Variants in AKAP1 observed in about 807,000 individuals in gnomAD.
AKAP1 encodes the protein A-kinase anchoring protein 1.
AKAP1 carries 32 observed loss-of-function variants against 79.8 expected under a neutral mutation model. That is an observed-to-expected ratio of 0.40 (90% confidence interval 0.30 to 0.54). The LOEUF (loss-of-function observed/expected upper bound fraction) is 0.54, where lower values mean the gene tolerates loss of function less well. AKAP1 is among the 20% of genes least tolerant of loss of function. The pLI is 0.47. For missense variants in AKAP1, 961 were observed against 1,138.9 expected, an observed-to-expected ratio of 0.84 and a Z score of 2.25; for synonymous variants, 416 against 466.7, an observed-to-expected ratio of 0.89 and a Z score of 1.40.
chr17:57,107,628 A>G (rs1313338967), intron 2 of AKAP1, among the ~76,000 whole-genome samples: 4 of 151,854 alleles, frequency 2.6e-5, no homozygotes, highest in Non-Finnish European at 2.9e-5. Flanking sequence ...GTGAGTCACT[A>G]TGCCCAGCCC....
At chr17:57,119,548 C>T (rs1327054569) in intron 10 of AKAP1, among the ~76,000 whole-genome samples, 1 of 151,944 alleles carries the variant, frequency 6.6e-6, no homozygotes, top group African/African-American at 2.4e-5. Context: ...ACCCCCATCT[C>T]TACTAAAAAT....
chr17:57,088,759 T>G (rs755234879), intron 1 of AKAP1, among the ~76,000 whole-genome samples: 3 of 152,214 alleles, frequency 2.0e-5, no homozygotes, highest in Non-Finnish European at 2.9e-5. Context: ...TCCTTTGCCT[T>G]AACTTTTTCA....
At chr17:57,109,139 G>A (rs1915081776) in intron 2 of AKAP1, among the ~76,000 whole-genome samples, 1 of 152,214 alleles carries the variant, frequency 6.6e-6, no homozygotes, top group African/African-American at 2.4e-5. Context: ...GAAACCATGT[G>A]GAAGGTAACC....
intron 1 of AKAP1, chr17:57,095,680 C>T (rs533715469): frequency 6.6e-6 from 1 of 152,244 alleles, no homozygotes; most frequent in African/African-American, 2.4e-5. Context: ...AGATCAGGGT[C>T]TTACCTCTTT....
At chr17:57,114,767 T>G (rs989321390) in intron 6 of AKAP1, 131 bp downstream of exon 6, 6 of 1,095,732 alleles carry the variant, frequency 5.5e-6, no homozygotes, top group Non-Finnish European at 7.8e-6. Context: ...GCCATTGTTA[T>G]GGAGCTGGGG....
rs763606187 is a variant in AKAP1 at position 57,116,934 on chromosome 17, G to C, written c.2500+7G>C. ...AGTGTGATGCCCCTGTCAGGTAACA[G>C]CTGAGGCCTTTGGCTTGGGGGATTG... On this transcript the variant is annotated splice_region_variant and intron_variant, in intron 8 of 10. Transcript: ENST00000337714. The C allele has an allele frequency of 1.2e-6, 2 of 1,613,700 alleles. No homozygotes were observed. The highest frequency in any genetic ancestry group is 2.7e-5 in the African/African-American group (2 of 74,938).
Position 57,114,551 on chromosome 17 carries a change from C to A in AKAP1, c.2196C>A (p.Thr732=). The part of the protein sequence containing the change: ...HLFVQQHTHP[T]FHALRSLDQQ... ...TCGTGCAGCAGCACACACACCCTAC[C>A]TTCCACGCGCTGCGCAGCCTCGACC... The change falls in exon 6 of 11, where the codon ACC becomes ACA. Residue 732 remains threonine (T), a synonymous_variant. Transcript: ENST00000337714. 6.2e-7 allele frequency: 1 copy of A among 1,614,212 alleles called. No individual in the cohort carries two copies. Among genetic ancestry groups the A allele is most frequent in the Non-Finnish European group, 8.5e-7 (1 of 1,180,038 alleles).
Position 57,106,663 on chromosome 17 carries a change from C to T in AKAP1, c.1199C>T (p.Pro400Leu). The T allele has an allele frequency of 2.5e-6, 4 of 1,614,088 alleles. No homozygotes were observed. The highest frequency in any genetic ancestry group is 2.5e-6 in the Non-Finnish European group (3 of 1,180,020). Reference sequence around the variant, plus strand: ...GTTCACCAGAAAACTGTCTTGGGCCCAGACACTGCGGAGCCTGCCACAGCA... The same window carrying T: ...GTTCACCAGAAAACTGTCTTGGGCCTAGACACTGCGGAGCCTGCCACAGCA... Reference protein sequence around the residue: ...VPVHQKTVLGPDTAEPATAEA... With the variant: ...VPVHQKTVLGLDTAEPATAEA... Residue 400 changes from proline to leucine, a missense_variant, in exon 2 of 11, where the codon CCA (proline) becomes CTA (leucine). Around this residue, in one of 3 missense-constraint regions of AKAP1, gnomAD observed 629 missense variants for 781.1 expected, o/e 0.81. Transcript: ENST00000337714.
intron 1 of AKAP1, among the ~76,000 whole-genome samples, chr17:57,103,864 C>T (rs951484023): frequency 6.6e-6 from 1 of 152,206 alleles, no homozygotes; most frequent in Non-Finnish European, 1.5e-5. Flanking sequence ...GTGTCCCCAT[C>T]TTACAGATGA....
rs866927069 is a variant in AKAP1, at chr17:57,086,768, T to C, written c.-25+1370T>C. Among the ~76,000 whole-genome samples, 2 of 151,290 alleles carry C rather than the reference T, an allele frequency of 1.3e-5. No individual in the cohort carries two copies. The highest frequency in any genetic ancestry group is 3.4e-3 in the Middle Eastern group (1 of 292). On this transcript the variant is annotated intron_variant, in intron 1 of 10. Transcript: ENST00000337714. This position sits in a 1 kb window ranked among gnomAD's most constrained non-coding sequence, Gnocchi z 5.1. Reference sequence around the variant, plus strand: ...CAACTAGTAGCCTTACAAGCTCTTGTAACTGCTAAGTCCTTCCCAAATTAG... The same window carrying C: ...CAACTAGTAGCCTTACAAGCTCTTGCAACTGCTAAGTCCTTCCCAAATTAG...
chr17:57,116,080 C>T (rs371881987), intron 6 of AKAP1, 31 bp from the exon 7 acceptor site: 36 of 1,603,218 alleles, frequency 2.2e-5, no homozygotes, highest in African/African-American at 1.1e-4. Context: ...CTGGCCCAGG[C>T]GTTCCACGCA....
intron 1 of AKAP1, among the ~76,000 whole-genome samples, chr17:57,097,291 G>A (rs1466498014): frequency 2.6e-5 from 4 of 152,166 alleles, no homozygotes; most frequent in Admixed American, 2.6e-4. Flanking sequence ...TGCTTGTGGC[G>A]CAGGGGTGTG....
Position 57,110,071 on chromosome 17 carries a change from C to A in AKAP1, c.1761C>A (p.Leu587=). 1 of 1,614,154 alleles carries A rather than the reference C, an allele frequency of 6.2e-7. No individual in the cohort carries two copies. Among genetic ancestry groups the A allele is most frequent in the Middle Eastern group, 1.7e-4 (1 of 6,048 alleles). ...SMDSVDSCCS[L]KKTESFQNAQ... The stretch of plus-strand genomic sequence containing the variant: ...ATTCCGTGGATAGCTGTTGCAGTCT[C>A]AAGAAGACTGAGAGCTTCCAAAATG... The change falls in exon 3 of 11, where the codon CTC becomes CTA. Residue 587 remains leucine (L), a synonymous_variant. Transcript: ENST00000337714.
At chr17:57,118,510 CT>C in intron 9 of AKAP1, 56 bp downstream of exon 9, 3 of 1,544,448 alleles carry the variant, frequency 1.9e-6, no homozygotes, top group Non-Finnish European at 2.7e-6. Context: ...GGGAACTGAC[CT>C]TTCAATGCCT....
intron 3 of AKAP1, among the ~76,000 whole-genome samples, chr17:57,110,506 C>T (rs866868878): frequency 6.6e-6 from 1 of 152,192 alleles, no homozygotes. Flanking sequence ...AATCCCTTCA[C>T]TGAGCTCTGC....
chr17:57,088,135 A>G (rs1364983919), intron 1 of AKAP1, among the ~76,000 whole-genome samples: 1 of 152,088 alleles, frequency 6.6e-6, no homozygotes, highest in East Asian at 1.9e-4. Flanking sequence ...TGGGGGGTGT[A>G]TTTTAGTCCT....
chr17:57,105,367 T>C, intron 1 of AKAP1, 74 bp from the exon 2 acceptor site: 1 of 1,417,366 alleles, frequency 7.1e-7, no homozygotes, highest in Non-Finnish European at 9.9e-7. Flanking sequence ...TTGACTGTCT[T>C]GCATGTGCGG....
At chr17:57,101,208 C>G (rs1169510195) in intron 1 of AKAP1, among the ~76,000 whole-genome samples, 4 of 152,202 alleles carry the variant, frequency 2.6e-5, no homozygotes, top group Admixed American at 1.3e-4. Context: ...AACAGTGATT[C>G]TCTCTTTCTT....
At chr17:57,114,003 C>T (rs1404645918) in intron 5 of AKAP1, among the ~76,000 whole-genome samples, 1 of 152,112 alleles carries the variant, frequency 6.6e-6, no homozygotes, top group African/African-American at 2.4e-5. Context: ...GGCTAAAGGG[C>T]CTGGGGCCTG....
Sources: allele counts gnomAD v4.1 joint callset (sites outside exome capture counted in the v4.1 genomes callset), GRCh38; gene constraint gnomAD v4.1.1; regional missense constraint gnomAD v4.1.1; non-coding constraint Gnocchi (gnomAD v3.1); transcripts MANE v1.5; gene names NCBI Gene and HGNC (gene_info 2026-07-23, HGNC 2026-07-21).